QKI: variants seen among roughly 807,000 people sequenced by gnomAD.
QKI encodes the protein QKI, KH domain containing RNA binding, also known as KH domain-containing RNA-binding protein QKI.
In QKI, 10 loss-of-function variants were observed where a neutral mutation model predicts 39.0. That is an observed-to-expected ratio of 0.26 (90% CI 0.16 to 0.43). QKI has a LOEUF of 0.43. Among genes scored for constraint, QKI ranks in the 20% least tolerant of loss-of-function variants. The pLI, the probability that QKI is intolerant of heterozygous loss-of-function variation, is 1.00. For synonymous variants in QKI, 204 were observed against 155.4 expected, an observed-to-expected ratio of 1.31 and a Z score of -2.33; for missense variants, 218 against 428.0, an observed-to-expected ratio of 0.51 and a Z score of 4.33.
At chr6:163,419,304 A>AT (rs11356516) in intron 1 of QKI, among the ~76,000 whole-genome samples, 23 of 149,794 alleles carry the variant, frequency 1.5e-4, no homozygotes, top group East Asian at 7.8e-4. Context: ...TCTTACCATA[A>AT]TTTTTTTTTT....
intron 1 of QKI, among the ~76,000 whole-genome samples, chr6:163,420,485 C>G (rs2128207187): frequency 6.6e-6 from 1 of 152,086 alleles, no homozygotes; most frequent in Admixed American, 6.5e-5. Context: ...TGAACATATC[C>G]AAGGTTCTAT....
chr6:163,570,940 C>G lies in QKI; in HGVS notation c.*230C>G. ...GTTTGGGTGAAAGTGGTTCTAGAAA[C>G]TGCACTGAATAGTAGTAAAGCAATA... On this transcript the variant is annotated 3_prime_UTR_variant, in exon 8 of 8. Transcript: ENST00000361752. The G allele has an allele frequency of 1.9e-6, 1 of 533,624 alleles. No individual in the cohort carries two copies. The highest frequency in any genetic ancestry group is 3.2e-5 in the East Asian group (1 of 31,016). 33.1% of individuals were successfully genotyped at this position (533,624 alleles called of 1,614,324 possible).
chr6:163,466,230 A>G (rs879829814), intron 2 of QKI, among the ~76,000 whole-genome samples: 3 of 152,178 alleles, frequency 2.0e-5, no homozygotes, highest in African/African-American at 7.2e-5. Flanking sequence ...GCTGAAAAGT[A>G]TAACACTGAT....
intron 3 of QKI, among the ~76,000 whole-genome samples, chr6:163,484,881 G>A (rs975715673): frequency 3.0e-4 from 46 of 152,164 alleles, no homozygotes; most frequent in Non-Finnish European, 4.9e-4. Flanking sequence ...GACACGAATT[G>A]AGCACATGGT....
At chr6:163,567,191 G>A (rs571773945) in intron 7 of QKI, 2 of 997,002 alleles carry the variant, frequency 2.0e-6, no homozygotes, top group South Asian at 4.5e-5. Context: ...GCTTTAATGA[G>A]AGAAGTAAAG....
chr6:163,436,045 G>A (rs1789245047), intron 1 of QKI, among the ~76,000 whole-genome samples: 2 of 152,178 alleles, frequency 1.3e-5, no homozygotes, highest in South Asian at 2.1e-4. Context: ...GCATTGTAGT[G>A]TGTATTTTGA....
chr6:163,490,530 C>G (rs889631005), intron 3 of QKI, among the ~76,000 whole-genome samples: 26 of 151,944 alleles, frequency 1.7e-4, no homozygotes, highest in Non-Finnish European at 7.4e-5. Flanking sequence ...AAATGGTATT[C>G]TAGACATCAG....
At position 163,573,269 on chromosome 6, in the gene QKI, TA is replaced by T. The variant is rs775959091; in HGVS notation, c.*2563del. On this transcript the variant is annotated 3_prime_UTR_variant, in exon 8 of 8. Coordinates refer to ENST00000361752, the MANE Select transcript of QKI (RefSeq NM_006775.3). The stretch of plus-strand genomic sequence containing the variant: ...ATTCTTTATTGAATTTATTTCTTAT[TA>T]AAATATGTAGTTTTTAAGACTTTTT... The T allele has an allele frequency of 1.3e-5, 2 of 152,202 alleles. No individual in the cohort carries two copies. Among genetic ancestry groups the T allele is most frequent in the Non-Finnish European group, 2.9e-5 (2 of 68,028 alleles). 9.4% of individuals were successfully genotyped at this position (152,202 alleles called of 1,614,324 possible).
chr6:163,521,668 G>A (rs1377732932), intron 3 of QKI, among the ~76,000 whole-genome samples: 7 of 151,958 alleles, frequency 4.6e-5, no homozygotes, highest in Non-Finnish European at 8.8e-5. Flanking sequence ...GATTACAGGC[G>A]CATGCTACCA....
chr6:163,526,303 A>C (rs1391746661), intron 3 of QKI, among the ~76,000 whole-genome samples: 1 of 152,244 alleles, frequency 6.6e-6, no homozygotes, highest in South Asian at 2.1e-4. Flanking sequence ...GTATACTATC[A>C]GTAAATATTC....
At chr6:163,528,054 T>G (rs976031682) in intron 3 of QKI, among the ~76,000 whole-genome samples, 1 of 152,140 alleles carries the variant, frequency 6.6e-6, no homozygotes, top group Non-Finnish European at 1.5e-5. Context: ...TACCAGATGT[T>G]TTTCTCCCAG....
At chr6:163,543,026 G>T (rs1457784093) in intron 4 of QKI, among the ~76,000 whole-genome samples, 3 of 151,922 alleles carry the variant, frequency 2.0e-5, no homozygotes, top group Non-Finnish European at 4.4e-5. Context: ...TTCCCCAAAG[G>T]TTCTTTTCTG....
At chr6:163,564,286 T>C in intron 6 of QKI, 1 of 1,002,836 alleles carries the variant, frequency 1.0e-6, no homozygotes, top group Non-Finnish European at 1.2e-6. Flanking sequence ...CATCATTTGG[T>C]GTACATCATA....
chr6:163,516,357 T>C (rs1413018419), intron 3 of QKI, among the ~76,000 whole-genome samples: 3 of 152,094 alleles, frequency 2.0e-5, no homozygotes, highest in East Asian at 3.9e-4. Context: ...TGCAGTGGCA[T>C]GATCTGGGAT....
chr6:163,507,403 A>G (rs1480166597), intron 3 of QKI, among the ~76,000 whole-genome samples: 1 of 152,222 alleles, frequency 6.6e-6, no homozygotes, highest in African/African-American at 2.4e-5. Context: ...ACTCTGTAGG[A>G]TGAGTGTAAG....
Position 163,573,583 on chromosome 6 carries a change from A to G in QKI, c.*2873A>G, listed in dbSNP as rs965840464. 2 of 152,194 alleles carry G rather than the reference A, an allele frequency of 1.3e-5. No individual in the cohort carries two copies. The highest frequency in any genetic ancestry group is 4.1e-4 in the South Asian group (2 of 4,832). The allele number at this position is 152,194 out of a possible 1,614,324, so 9.4% of individuals were successfully genotyped here. A position where few individuals can be genotyped will look rare whatever the true frequency, so the allele number is the denominator to read the frequency against. On this transcript the variant is annotated 3_prime_UTR_variant, in exon 8 of 8. Coordinates refer to ENST00000361752, the MANE Select transcript of QKI (RefSeq NM_006775.3). ...AAGGATACAAAATGCAAAATCCACA[A>G]TTTTGATAACTGAAAATTGCCAATT... is the stretch of plus-strand genomic sequence containing the variant.
In QKI at chr6:163,455,625, A is replaced by G. The variant is rs1790858834; in HGVS notation, c.285+204A>G. Among the ~76,000 whole-genome samples the G allele has an allele frequency of 2.0e-5, 3 of 152,208 alleles. 1 individual carries two copies. The South Asian group carries it at 6.2e-4, about 31-fold the overall frequency. ...TTGATTGCTGCTATGTCACTTTGGA[A>G]ATGCACATGGTATAGACTCTTGGGT... On this transcript the variant is annotated intron_variant, in intron 2 of 7. Transcript: ENST00000361752.
intron 2 of QKI, among the ~76,000 whole-genome samples, chr6:163,477,867 T>C (rs1159241650): frequency 6.6e-6 from 1 of 152,192 alleles, no homozygotes; most frequent in Non-Finnish European, 1.5e-5. Context: ...TTTTATGTAA[T>C]GATATACTAA....
intron 1 of QKI, among the ~76,000 whole-genome samples, chr6:163,447,473 A>G (rs573793403): frequency 2.0e-5 from 3 of 152,170 alleles, no homozygotes; most frequent in Admixed American, 6.5e-5. Context: ...ATATGTTTGT[A>G]CCTATTAACA....
Sources: gnomAD v4.1 joint callset for allele counts (sites outside exome capture counted in the v4.1 genomes callset) on GRCh38, gnomAD v4.1.1 for gene constraint, MANE v1.5 for transcripts, NCBI Gene and HGNC (gene_info 2026-07-23, HGNC 2026-07-21) for gene names.